RREB1: variants seen among roughly 807,000 people sequenced by gnomAD.
RREB1 encodes the protein ras responsive element binding protein 1.
A neutral mutation model predicts 117.8 loss-of-function variants in RREB1; 27 were observed. That is an observed-to-expected ratio of 0.23 (90% CI 0.17 to 0.32). The LOEUF (loss-of-function observed/expected upper bound fraction) is 0.32. Among genes scored for constraint, RREB1 ranks in the 10% least tolerant of loss-of-function variants. RREB1 has a pLI of 1.00. For synonymous variants in RREB1, 1,298 were observed against 1,026.7 expected (o/e 1.26, Z -5.05); for missense variants, 2,577 against 2,378.2 (o/e 1.08, Z -1.74).
At position 7,230,074 on chromosome 6, in the gene RREB1, C is replaced by A; in HGVS notation, c.1975C>A (p.Arg659Ser). 6.2e-7 allele frequency: 1 copy of A among 1,601,870 alleles called. No homozygotes were observed. The highest frequency in any genetic ancestry group is 8.5e-7 in the Non-Finnish European group (1 of 1,172,724). Residue 659 changes from arginine to serine, a missense_variant, in exon 10 of 13, where the codon CGT becomes AGT. Transcript: ENST00000379938. Reference sequence around the variant, plus strand: ...GGTGTTTGCCTTCTCGGGGGTCTTGCGTGCCCACGTGCGCTCCCACCTGGG... The same window carrying A: ...GGTGTTTGCCTTCTCGGGGGTCTTGAGTGCCCACGTGCGCTCCCACCTGGG... ...NQVFAFSGVL[R>S]AHVRSHLGIS... is the part of the protein sequence containing the mutation.
At chr6:7,223,778 CTT>C (rs1767425240) in intron 8 of RREB1, among the ~76,000 whole-genome samples, 1 of 152,102 alleles carries the variant, frequency 6.6e-6, no homozygotes. Flanking sequence ...CATACGAAAA[CTT>C]TTTTATAGAA....
intron 6 of RREB1, among the ~76,000 whole-genome samples, chr6:7,200,244 ATGTGTGTG>A (rs70978945): frequency 0.054 from 6,926 of 129,304 alleles, 383 homozygotes; most frequent in African/African-American, 0.14. Flanking sequence ...ATGTGTGTAT[ATGTGTGTG>A]TGTGTGTGTG....
chr6:7,154,932 G>A (rs1763292151), intron 1 of RREB1, among the ~76,000 whole-genome samples: 1 of 152,182 alleles, frequency 6.6e-6, no homozygotes, highest in South Asian at 2.1e-4. Context: ...TGGTTTACGT[G>A]TGGGGGGTGC....
At chr6:7,147,816 A>G (rs1268611527) in intron 1 of RREB1, among the ~76,000 whole-genome samples, 2 of 152,154 alleles carry the variant, frequency 1.3e-5, no homozygotes, top group African/African-American at 4.8e-5. Context: ...CCAGTGATTG[A>G]TAAGTTAAAA....
chr6:7,232,757 CTTTTTCTTTTTTTTTTTT>C lies in RREB1; in HGVS notation c.3808+856_3808+873del, dbSNP rs1309756578. Among the ~76,000 whole-genome samples, 5 of 127,608 alleles carry C rather than the reference CTTTTTCTTTTTTTTTTTT, an allele frequency of 3.9e-5. No homozygotes were observed. In the Admixed American group the frequency reaches 3.9e-4, roughly 10 times the overall value. The allele number at this position is 127,608 out of a possible 152,430, so 83.7% of individuals were successfully genotyped here. A position where few individuals can be genotyped will look rare whatever the true frequency, so the allele number is the denominator to read the frequency against. On this transcript the variant is annotated intron_variant, in intron 10 of 12. Transcript: ENST00000379938. ...TACCCCAAAAGTATCTTCCTTTTTT[CTTTTTCTTTTTTTTTTTT>C]TTTTTTAAATAAAAGAGTCTCACTA...
intron 1 of RREB1, among the ~76,000 whole-genome samples, chr6:7,171,944 A>G (rs1224718686): frequency 6.7e-6 from 1 of 150,370 alleles, no homozygotes; most frequent in African/African-American, 2.4e-5. Flanking sequence ...CCTGACCATT[A>G]GTCTTTTTTT....
In RREB1 at chr6:7,198,578, G is replaced by A. The variant is rs1424595001; in HGVS notation, c.425+9256G>A. Among the ~76,000 whole-genome samples, 5 of 152,258 alleles carry A rather than the reference G, an allele frequency of 3.3e-5. No individual in the cohort carries two copies. The East Asian group carries it at 5.8e-4, about 18-fold the overall frequency. On this transcript the variant is annotated intron_variant, in intron 6 of 12. Coordinates refer to ENST00000379938, the MANE Select transcript of RREB1 (RefSeq NM_001003699.4). ...TAAATGTGATTTTAATGGGATATAC[G>A]TAGTCAGCATAGTTGTATGAACTGT...
At chr6:7,128,508 C>A (rs1302305857) in intron 1 of RREB1, among the ~76,000 whole-genome samples, 1 of 152,100 alleles carries the variant, frequency 6.6e-6, no homozygotes, top group African/African-American at 2.4e-5. Context: ...CTGTTATTTT[C>A]TCCTTTTTAA....
chr6:7,128,639 G>A (rs143688437), intron 1 of RREB1, among the ~76,000 whole-genome samples: 1 of 151,582 alleles, frequency 6.6e-6, no homozygotes, highest in African/African-American at 2.4e-5. Flanking sequence ...TCAATATACG[G>A]TGATACCTGG....
chr6:7,228,830 A>C (rs1425654740), intron 9 of RREB1, among the ~76,000 whole-genome samples, 167 bp from the exon 10 acceptor site: 1 of 151,798 alleles, frequency 6.6e-6, no homozygotes, highest in South Asian at 2.1e-4. Context: ...TTTTTTGTAG[A>C]GATACGGGAT....
At chr6:7,202,672 G>C (rs1766049397) in intron 6 of RREB1, among the ~76,000 whole-genome samples, 1 of 152,178 alleles carries the variant, frequency 6.6e-6, no homozygotes, top group Non-Finnish European at 1.5e-5. Flanking sequence ...TGGACCCCAG[G>C]CTGCATGTAA....
At chr6:7,247,627 C>T (rs917142554) in intron 12 of RREB1, among the ~76,000 whole-genome samples, 2 of 152,112 alleles carry the variant, frequency 1.3e-5, no homozygotes, top group Non-Finnish European at 2.9e-5. Context: ...CTGCCCCAGG[C>T]CGCTGTGGGG....
rs1214069089 is a variant in RREB1 at position 7,246,534 on chromosome 6, G to A, written c.4084G>A (p.Gly1362Arg). 1.3e-6 allele frequency: 2 copies of A among 1,547,284 alleles called. No individual in the cohort carries two copies. The highest frequency in any genetic ancestry group is 1.7e-6 in the Non-Finnish European group (2 of 1,146,290). The change falls in exon 12 of 13, where the codon GGG becomes AGG. Residue 1362 changes from glycine to arginine, a missense_variant. Transcript: ENST00000379938. ...EGATELRQVAGDAPVEQATAE... is the reference protein window; with the variant it reads ...EGATELRQVARDAPVEQATAE... ...CGCCACTGAGCTCCGCCAGGTCGCA[G>A]GGGATGCGCCTGTGGAGCAGGCCAC...
chr6:7,209,399 CT>C (rs1398649305), intron 6 of RREB1, among the ~76,000 whole-genome samples: 1 of 152,082 alleles, frequency 6.6e-6, no homozygotes, highest in East Asian at 1.9e-4. Context: ...GCCAGCCTTT[CT>C]TTTTTGCTCC....
At chr6:7,116,494 C>T (rs1359429809) in intron 1 of RREB1, among the ~76,000 whole-genome samples, 1 of 152,196 alleles carries the variant, frequency 6.6e-6, no homozygotes, top group East Asian at 1.9e-4. Flanking sequence ...AGAATATTTT[C>T]CCATCTCCTG....
At chr6:7,156,146 G>T (rs557401625) in intron 1 of RREB1, among the ~76,000 whole-genome samples, 2 of 152,316 alleles carry the variant, frequency 1.3e-5, no homozygotes, top group South Asian at 2.1e-4. Flanking sequence ...TAGACTTTTC[G>T]TTTGAGAAGC....
intron 1 of RREB1, among the ~76,000 whole-genome samples, chr6:7,166,154 C>G (rs1581478264): frequency 6.6e-6 from 1 of 152,156 alleles, no homozygotes; most frequent in African/African-American, 2.4e-5. Flanking sequence ...GCACTAATCC[C>G]CACTCCCACC....
chr6:7,224,167 C>T (rs891511634), intron 8 of RREB1, among the ~76,000 whole-genome samples: 6 of 152,050 alleles, frequency 3.9e-5, no homozygotes, highest in Admixed American at 3.9e-4. Flanking sequence ...ACTCGATGTA[C>T]CCTTATCCAG....
chr6:7,243,482 A>G (rs1225910028), intron 11 of RREB1, among the ~76,000 whole-genome samples: 1 of 152,230 alleles, frequency 6.6e-6, no homozygotes, highest in African/African-American at 2.4e-5. Flanking sequence ...TCATCAGCTC[A>G]GCTACCTGCA....
Sources: allele counts gnomAD v4.1 joint callset (sites outside exome capture counted in the v4.1 genomes callset), GRCh38; gene constraint gnomAD v4.1.1; transcripts MANE v1.5; gene names NCBI Gene and HGNC (gene_info 2026-07-23, HGNC 2026-07-21).